SLC2A14: variants seen among roughly 807,000 people sequenced by gnomAD.
The protein encoded by SLC2A14 is solute carrier family 2, facilitated glucose transporter member 14.
In SLC2A14, 13 loss-of-function variants were observed where a neutral mutation model predicts 43.0. The ratio of observed to expected loss-of-function variants is 0.30; its 90% confidence interval spans 0.20 to 0.48. SLC2A14 has a LOEUF of 0.48. Ranked by LOEUF, SLC2A14 falls within the 20% of genes least tolerant of loss-of-function variation. The probability of loss-of-function intolerance (pLI) is 0.99; values close to 1 mark genes in which losing one functional copy is unlikely to be tolerated. For synonymous variants in SLC2A14, 190 were observed against 233.8 expected (o/e 0.81, Z 1.71); for missense variants, 428 against 620.4 (o/e 0.69, Z 3.29).
intron 1 of SLC2A14, among the ~76,000 whole-genome samples, chr12:7,890,406 C>A (rs904818257): frequency 1.3e-5 from 2 of 152,094 alleles, no homozygotes; most frequent in African/African-American, 4.8e-5. Flanking sequence ...CACTGAAGAT[C>A]GTCCAGTCTT....
chr12:7,848,879 CAG>C, intron 2 of SLC2A14, among the ~76,000 whole-genome samples: 1 of 150,640 alleles, frequency 6.6e-6, no homozygotes, highest in Admixed American at 6.6e-5. Flanking sequence ...TTTTTTGAGA[CAG>C]AGTCTTGCTC....
chr12:7,870,585 T>G (rs1193814110), intron 1 of SLC2A14, among the ~76,000 whole-genome samples: 1 of 152,098 alleles, frequency 6.6e-6, no homozygotes, highest in Non-Finnish European at 1.5e-5. Context: ...TAGGACAGAC[T>G]GTCCCTTCCA....
At position 7,861,664 on chromosome 12, in the gene SLC2A14, T is replaced by C. The variant is rs116478313; in HGVS notation, c.18+8199A>G. ...ACCATACATAAAAGCTTTGTAAACT[T>C]TAACTGAAAAAAAACAGGCCATGCG... On this transcript the variant is annotated intron_variant, in intron 2 of 10. Coordinates refer to ENST00000431042, the MANE Select transcript of SLC2A14 (RefSeq NM_001286234.2). Among the ~76,000 whole-genome samples, 1,228 of 151,894 alleles carry C rather than the reference T, an allele frequency of 8.1e-3. 16 individuals are homozygous for C. Among genetic ancestry groups the C allele is most frequent in the African/African-American group, 0.028 (1,180 of 41,416 alleles).
rs201154671 is a variant in SLC2A14 at position 7,880,013 on chromosome 12, AAAC to A, written c.132+10980_132+10982del. Among the ~76,000 whole-genome samples the A allele has an allele frequency of 6.3e-3, 957 of 151,474 alleles. 18 individuals carry two copies. The highest frequency in any genetic ancestry group is 0.022 in the African/African-American group (920 of 41,286). On this transcript the variant is annotated intron_variant, in intron 1 of 9. Coordinates refer to the SLC2A14 transcript ENST00000539924. ...AGAGTGACATCTCCAAAAAAATAAG[AAAC>A]AACAGGCCGGGCATCATGGCTCACA...
intron 7 of SLC2A14, among the ~76,000 whole-genome samples, chr12:7,826,986 T>TTCTCTTTCTCTCCTTTC (rs1864506963): frequency 6.6e-5 from 7 of 106,588 alleles, no homozygotes; most frequent in African/African-American, 2.3e-4. Context: ...TTTCTCTCCT[T>TTCTCTTTCTCTCCTTTC]TCTCTCTTTC....
At chr12:7,833,795 A>G (rs7955197) in intron 2 of SLC2A14, among the ~76,000 whole-genome samples, 236 of 145,356 alleles carry the variant, frequency 1.6e-3, no homozygotes, top group Middle Eastern at 3.6e-3. Flanking sequence ...AAAAAAAAAA[A>G]AGAGAGAGAG....
chr12:7,817,880 G>A lies in SLC2A14; in HGVS notation c.1226C>T (p.Ser409Phe). The A allele has an allele frequency of 6.2e-7, 1 of 1,614,146 alleles. No individual in the cohort carries two copies. ...GACTAGGAAGTTGGAGGTCCAGTTG[G>A]AGCAGCCGGCCACTGCCATCGCAGC... ...RPAAMAVAGC[S>F]NWTSNFLVGL... Residue 409 changes from serine (S) to phenylalanine (F), a missense_variant, in exon 10 of 11, where the codon TCC becomes TTC. Physicochemically the swap from Ser to Phe is radical, Grantham distance 155. This residue lies in a region of SLC2A14 where 119 missense variants were observed against 188.7 expected (regional missense o/e 0.63). Coordinates refer to ENST00000431042, the MANE Select transcript of SLC2A14 (RefSeq NM_001286234.2).
chr12:7,874,840 C>T (rs755897410), upstream of SLC2A14, among the ~76,000 whole-genome samples: 45 of 75,436 alleles, frequency 6.0e-4, no homozygotes, highest in African/African-American at 1.1e-3. Context: ...TATATAAATA[C>T]GTATTTATAT....
At chr12:7,832,908 C>T in intron 2 of SLC2A14, 94 bp from the exon 3 acceptor site, 2 of 1,254,296 alleles carry the variant, frequency 1.6e-6, no homozygotes, top group South Asian at 2.6e-5. Flanking sequence ...TTAGGAGAAT[C>T]TGACCTATGA....
chr12:7,832,989 C>T (rs1865160572), intron 2 of SLC2A14, among the ~76,000 whole-genome samples, 175 bp from the exon 3 acceptor site: 1 of 152,036 alleles, frequency 6.6e-6, no homozygotes, highest in South Asian at 2.1e-4. Context: ...ATAGATTATA[C>T]TAAAGAACTT....
rs981336160 is a variant in SLC2A14, at chr12:7,889,951, T to C, written c.132+1045A>G. 5.9e-5 allele frequency among the ~76,000 whole-genome samples: 9 copies of C among 152,226 alleles called. No individual in the cohort carries two copies. In the South Asian group the frequency reaches 1.7e-3, roughly 28 times the overall value. ...CCAGGTTGCCTTGGCATTCCTAAAC[T>C]GTCATGGCGCTGATGGGAGTGTAGC... On this transcript the variant is annotated intron_variant, in intron 1 of 9. Coordinates refer to the SLC2A14 transcript ENST00000539924.
chr12:7,842,568 G>C (rs1285196231), intron 2 of SLC2A14, among the ~76,000 whole-genome samples: 1 of 152,042 alleles, frequency 6.6e-6, no homozygotes, highest in Non-Finnish European at 1.5e-5. Flanking sequence ...CTTTTCTCTA[G>C]CAGTGCTCTA....
intron 2 of SLC2A14, among the ~76,000 whole-genome samples, chr12:7,869,520 T>C (rs191648767): frequency 8.5e-5 from 13 of 152,322 alleles, no homozygotes; most frequent in Admixed American, 5.9e-4. Context: ...CACGCGTATA[T>C]AGCCATGGTT....
At chr12:7,838,665 T>A (rs900422203) in intron 2 of SLC2A14, among the ~76,000 whole-genome samples, 9 of 152,240 alleles carry the variant, frequency 5.9e-5, no homozygotes, top group African/African-American at 2.2e-4. Context: ...GAACTCATGC[T>A]GGAATGGGTT....
At chr12:7,870,075 C>T in intron 1 of SLC2A14, 138 bp from the exon 2 acceptor site, 1 of 531,198 alleles carries the variant, frequency 1.9e-6, no homozygotes, top group Non-Finnish European at 3.3e-6. Flanking sequence ...TTATATAATT[C>T]TATTGATGTT....
intron 2 of SLC2A14, among the ~76,000 whole-genome samples, chr12:7,834,683 G>A (rs1476780597): frequency 1.3e-5 from 2 of 151,324 alleles, no homozygotes; most frequent in Non-Finnish European, 2.9e-5. Context: ...AGTGAGCTAT[G>A]CAGCCTGGGC....
intron 2 of SLC2A14, among the ~76,000 whole-genome samples, chr12:7,848,672 C>CA (rs1261607225): frequency 2.0e-5 from 3 of 151,950 alleles, no homozygotes; most frequent in African/African-American, 7.3e-5. Flanking sequence ...TCTCCTGCCT[C>CA]AGCCTCCCGA....
At chr12:7,825,669 A>G (rs1283822740) in intron 7 of SLC2A14, among the ~76,000 whole-genome samples, 1 of 150,106 alleles carries the variant, frequency 6.7e-6, no homozygotes, top group Non-Finnish European at 1.5e-5. Flanking sequence ...AGGCTGAGGC[A>G]GAAGAATCGC....
intron 10 of SLC2A14, 27 bp downstream of exon 10, chr12:7,817,804 A>G (rs373744291): frequency 5.0e-6 from 8 of 1,613,566 alleles, no homozygotes; most frequent in Middle Eastern, 1.7e-4. Context: ...AGATACATAG[A>G]TACATAGATA....
Sources: allele counts gnomAD v4.1 joint callset (sites outside exome capture counted in the v4.1 genomes callset), GRCh38; gene constraint gnomAD v4.1.1; regional missense constraint gnomAD v4.1.1; transcripts MANE v1.5; gene names NCBI Gene and HGNC (gene_info 2026-07-23, HGNC 2026-07-21).